Variants in PPFIA2 observed in about 807,000 individuals in gnomAD.
PPFIA2 encodes the protein PPFI scaffold protein A2, also known as liprin-alpha-2.
A neutral mutation model predicts 175.5 loss-of-function variants in PPFIA2; 46 were observed. That is an observed-to-expected ratio of 0.26 (90% CI 0.21 to 0.34). The LOEUF (loss-of-function observed/expected upper bound fraction) is 0.34, where lower values mean the gene tolerates loss of function less well. PPFIA2 is among the 10% of genes least tolerant of loss of function. The pLI, the probability that PPFIA2 is intolerant of heterozygous loss-of-function variation, is 1.00. For missense variants in PPFIA2, 1,179 were observed against 1,506.1 expected (o/e 0.78, Z 3.60); for synonymous variants, 568 against 511.4 (o/e 1.11, Z -1.49).
Position 81,676,618 on chromosome 12 carries a change from A to T in PPFIA2, c.303+173T>A. ...GAGTTGTTAAAACTTTTTAATAAAAACACCAGCCCACACCTCAAAGCAATT... is the reference window on the plus strand; with the variant it reads ...GAGTTGTTAAAACTTTTTAATAAAATCACCAGCCCACACCTCAAAGCAATT... On this transcript the variant is annotated intron_variant, in intron 4 of 32. Coordinates refer to ENST00000549396, the MANE Select transcript of PPFIA2 (RefSeq NM_003625.5). The T allele has an allele frequency of 7.6e-6, 3 of 394,720 alleles. No homozygotes were observed. The East Asian group carries it at 1.1e-4, about 15-fold the overall frequency. The allele number at this position is 394,720 out of a possible 1,614,324, so 24.5% of individuals were successfully genotyped here.
At chr12:81,609,596 C>A (rs925412900) in intron 4 of PPFIA2, among the ~76,000 whole-genome samples, 1 of 152,054 alleles carries the variant, frequency 6.6e-6, no homozygotes, top group Non-Finnish European at 1.5e-5. Flanking sequence ...AATAGGGACG[C>A]TTTCTCTTTT....
At chr12:81,625,975 C>CA (rs1468944177) in intron 4 of PPFIA2, among the ~76,000 whole-genome samples, 1 of 151,004 alleles carries the variant, frequency 6.6e-6, no homozygotes, top group African/African-American at 2.4e-5. Context: ...TTCTCAATAA[C>CA]AAAAATTGTC....
chr12:81,367,825 G>T (rs1271065464), intron 13 of PPFIA2, among the ~76,000 whole-genome samples: 1 of 151,420 alleles, frequency 6.6e-6, no homozygotes, highest in Admixed American at 6.6e-5. Context: ...AGTACTATAA[G>T]ACATTATTTA....
At chr12:81,635,829 T>A (rs983114538) in intron 4 of PPFIA2, among the ~76,000 whole-genome samples, 3 of 152,046 alleles carry the variant, frequency 2.0e-5, no homozygotes, top group Admixed American at 1.3e-4. Context: ...TCAGATCAAG[T>A]TGGAAGGAGT....
At chr12:81,281,538 T>C in intron 26 of PPFIA2, 88 bp from the exon 27 acceptor site, 1 of 859,856 alleles carries the variant, frequency 1.2e-6, no homozygotes, top group Non-Finnish European at 1.7e-6. Context: ...AACTGATATT[T>C]AATTACTATG....
intron 4 of PPFIA2, among the ~76,000 whole-genome samples, chr12:81,517,527 T>C (rs2062612739): frequency 6.6e-6 from 1 of 152,072 alleles, no homozygotes; most frequent in Admixed American, 6.6e-5. Context: ...CCACATGCCT[T>C]TGACTGTGCT....
chr12:81,525,942 A>G (rs918944217), intron 4 of PPFIA2, among the ~76,000 whole-genome samples: 1 of 152,134 alleles, frequency 6.6e-6, no homozygotes, highest in Non-Finnish European at 1.5e-5. Context: ...TTTTCCCACT[A>G]TTCTAGTCTA....
chr12:81,403,771 C>T (rs535082672), intron 8 of PPFIA2, among the ~76,000 whole-genome samples: 29 of 152,074 alleles, frequency 1.9e-4, no homozygotes, highest in Admixed American at 2.6e-4. Flanking sequence ...GCTGTGCATG[C>T]GGCCCCTCCC....
intron 8 of PPFIA2, among the ~76,000 whole-genome samples, chr12:81,394,658 G>T (rs1462545186): frequency 6.6e-6 from 1 of 151,928 alleles, no homozygotes; most frequent in Non-Finnish European, 1.5e-5. Flanking sequence ...CTGTCAGGGT[G>T]TTGGGGGCAA....
At chr12:81,633,601 G>C (rs548591749) in intron 4 of PPFIA2, among the ~76,000 whole-genome samples, 1 of 152,092 alleles carries the variant, frequency 6.6e-6, no homozygotes, top group East Asian at 1.9e-4. Context: ...TTAAAGAGGA[G>C]CTTGCCAGGC....
intron 4 of PPFIA2, among the ~76,000 whole-genome samples, chr12:81,566,530 CAA>C (rs3075452): frequency 0.024 from 1,620 of 68,456 alleles, 13 homozygotes; most frequent in African/African-American, 0.082. Flanking sequence ...GACTCCAACT[CAA>C]AAAAAAAAAA....
At chr12:81,317,378 A>C (rs2139425156) in intron 22 of PPFIA2, among the ~76,000 whole-genome samples, 1 of 151,690 alleles carries the variant, frequency 6.6e-6, no homozygotes, top group South Asian at 2.1e-4. Context: ...AGGCAGCTAA[A>C]AAATAAGATT....
Position 81,370,834 on chromosome 12 carries a change from A to G in PPFIA2, c.1267-1640T>C, listed in dbSNP as rs560090902. On this transcript the variant is annotated intron_variant, in intron 11 of 32. Coordinates refer to ENST00000549396, the MANE Select transcript of PPFIA2 (RefSeq NM_003625.5). ...CAAGTTAAGTAATTATTACATTTAA[A>G]GGACTCTATGTCAGGACTACAAATT... Among the ~76,000 whole-genome samples the G allele has an allele frequency of 1.0e-3, 157 of 152,060 alleles. 1 individual carries two copies. The highest frequency in any genetic ancestry group is 3.3e-3 in the African/African-American group (139 of 41,538).
At chr12:81,261,825 C>A in intron 32 of PPFIA2, 124 bp downstream of exon 32, 2 of 610,206 alleles carry the variant, frequency 3.3e-6, no homozygotes, top group South Asian at 2.3e-5. Flanking sequence ...TGAAGCAATT[C>A]AAAAGGGTTA....
chr12:81,608,557 C>T (rs1272889431), intron 4 of PPFIA2, among the ~76,000 whole-genome samples: 1 of 151,918 alleles, frequency 6.6e-6, no homozygotes, highest in Non-Finnish European at 1.5e-5. Context: ...TCTATTTCTT[C>T]TAGATTTTAA....
intron 8 of PPFIA2, among the ~76,000 whole-genome samples, chr12:81,404,452 T>C (rs2042575380): frequency 6.6e-6 from 1 of 152,200 alleles, no homozygotes; most frequent in South Asian, 2.1e-4. Flanking sequence ...GTTGGTTTCC[T>C]AAACTGAGTG....
chr12:81,652,486 G>A (rs10778820), intron 4 of PPFIA2, among the ~76,000 whole-genome samples: 137,028 of 151,810 alleles, frequency 0.9, 61,941 homozygotes, highest in East Asian at 1. Flanking sequence ...TAATTAGGTA[G>A]AAAGTCCTGA....
Position 81,759,306 on chromosome 12 carries a change from A to C in PPFIA2, c.-137T>G, listed in dbSNP as rs1489768080. 6.6e-6 allele frequency: 1 copy of C among 151,804 alleles called. No individual in the cohort carries two copies. The highest frequency in any genetic ancestry group is 1.5e-5 in the Non-Finnish European group (1 of 68,100). The allele number at this position is 151,804 out of a possible 1,614,324, so 9.4% of individuals were successfully genotyped here. ...TGCTGGCAGCCGGTGAGGACGCTAC[A>C]GCATCTTCTCTCCTCACTTGCCTCG... On this transcript the variant is annotated 5_prime_UTR_variant, in exon 1 of 33. Transcript: ENST00000549396.
chr12:81,289,743 A>G (rs2044397115), intron 24 of PPFIA2, among the ~76,000 whole-genome samples: 1 of 151,856 alleles, frequency 6.6e-6, no homozygotes, highest in Non-Finnish European at 1.5e-5. Flanking sequence ...ACATACACAA[A>G]AATAGTTTTA....
Sources: allele counts gnomAD v4.1 joint callset (sites outside exome capture counted in the v4.1 genomes callset), GRCh38; gene constraint gnomAD v4.1.1; transcripts MANE v1.5; gene names NCBI Gene and HGNC (gene_info 2026-07-23, HGNC 2026-07-21).